NCOA5: variants seen among roughly 807,000 people sequenced by gnomAD.
The protein encoded by NCOA5 is NCoA-5.
In NCOA5, 12 loss-of-function variants were observed where a neutral mutation model predicts 59.0. The observed-to-expected ratio is 0.20, with a 90% CI of 0.13 to 0.33. The LOEUF (loss-of-function observed/expected upper bound fraction) is 0.33, where lower values mean the gene tolerates loss of function less well. Among genes scored for constraint, NCOA5 ranks in the 10% least tolerant of loss-of-function variants. The pLI is 1.00. For synonymous variants in NCOA5, 270 were observed against 275.5 expected (o/e 0.98, Z 0.20); for missense variants, 655 against 766.6 (o/e 0.85, Z 1.72).
Position 46,063,407 on chromosome 20 carries a change from C to A in NCOA5, c.1103G>T (p.Arg368Leu). ...EETDKIINYL[R>L]ERKERLMRSS... ...CCTCATCAGCCGCTCCTTCCGCTCT[C>A]GCAGGTAGTTGATGATCTTGTCAGT... is the stretch of plus-strand genomic sequence containing the variant. The change falls in exon 7 of 8, where the codon CGA becomes CTA. Residue 368 changes from arginine to leucine, a missense_variant. This residue lies in a region of NCOA5 where 325 missense variants were observed against 353.2 expected (regional missense o/e 0.92). Transcript: ENST00000290231. 1 of 1,614,060 alleles carries A rather than the reference C, an allele frequency of 6.2e-7. No homozygotes were observed. Among genetic ancestry groups the A allele is most frequent in the Non-Finnish European group, 8.5e-7 (1 of 1,180,018 alleles).
chr20:46,081,165 A>G (rs1224062698), intron 1 of NCOA5, among the ~76,000 whole-genome samples: 3 of 152,148 alleles, frequency 2.0e-5, no homozygotes, highest in East Asian at 3.8e-4. Flanking sequence ...TATACATAAC[A>G]TAACTTCAGC....
chr20:46,077,761 G>A (rs2084953028), intron 2 of NCOA5, among the ~76,000 whole-genome samples: 1 of 152,144 alleles, frequency 6.6e-6, no homozygotes, highest in Non-Finnish European at 1.5e-5. Flanking sequence ...ATTCCAATGG[G>A]AACCCTGTAC....
intron 2 of NCOA5, 119 bp downstream of exon 2, chr20:46,079,268 T>C: frequency 2.2e-6 from 2 of 919,476 alleles, no homozygotes; most frequent in Non-Finnish European, 1.8e-6. Flanking sequence ...CATGTTCTTA[T>C]TGTTTGCTTG....
rs577598138 is a variant in NCOA5 at position 46,070,000 on chromosome 20, C to T, written c.365+210G>A. Among the ~76,000 whole-genome samples, 124 of 152,298 alleles carry T rather than the reference C, an allele frequency of 8.1e-4. 3 individuals carry two copies. The South Asian group carries it at 0.024, about 30-fold the overall frequency. On this transcript the variant is annotated intron_variant, in intron 3 of 7. Coordinates refer to ENST00000290231, the MANE Select transcript of NCOA5 (RefSeq NM_020967.3). ...TTCTCAGAGTTTCAATTTCTCCATACCTTTCCAACACTGTTATTTTCTGTT... is the reference window on the plus strand; with the variant it reads ...TTCTCAGAGTTTCAATTTCTCCATATCTTTCCAACACTGTTATTTTCTGTT...
Position 46,062,775 on chromosome 20 carries a change from G to C in NCOA5, c.1265C>G (p.Ser422Cys). The change falls in exon 8 of 8, where the codon TCT (serine) becomes TGT (cysteine). Residue 422 changes from serine to cysteine, a missense_variant. Physicochemically the swap from Ser to Cys is moderately radical, Grantham distance 112. This residue lies in a region of NCOA5 where 325 missense variants were observed against 353.2 expected (regional missense o/e 0.92). Coordinates refer to ENST00000290231, the MANE Select transcript of NCOA5 (RefSeq NM_020967.3). ...CTCTTGCTGGGAGGTGGGGGGTGCA[G>C]ATGGAGTGGGTGTAGCAGAGGGGAG... ...QVLPSATPTP[S>C]APPTSQQELQ... 11 of 1,600,954 alleles carry C rather than the reference G, an allele frequency of 6.9e-6. No individual in the cohort carries two copies. The highest frequency in any genetic ancestry group is 8.5e-6 in the Non-Finnish European group (10 of 1,172,874).
At chr20:46,087,602 A>C (rs954256932) in intron 1 of NCOA5, among the ~76,000 whole-genome samples, 2 of 152,136 alleles carry the variant, frequency 1.3e-5, no homozygotes, top group African/African-American at 4.8e-5. Context: ...CACTAAAAAT[A>C]TACAAAATTA....
In NCOA5 at chr20:46,063,378, T is replaced by C; in HGVS notation, c.1132A>G (p.Ser378Gly). 1.9e-6 allele frequency: 3 copies of C among 1,613,016 alleles called. No homozygotes were observed. Among genetic ancestry groups the C allele is most frequent in the Non-Finnish European group, 1.7e-6 (2 of 1,179,872 alleles). ...RERKERLMRSSTDSLPGPISR... is the reference protein window; with the variant it reads ...RERKERLMRSGTDSLPGPISR... ...AGCTCACCAGGCAGAGAGTCGGTGCTGCTCCTCATCAGCCGCTCCTTCCGC... is the reference window on the plus strand; with the variant it reads ...AGCTCACCAGGCAGAGAGTCGGTGCCGCTCCTCATCAGCCGCTCCTTCCGC... The change falls in exon 7 of 8, where the codon AGC (serine) becomes GGC (glycine). Residue 378 changes from serine to glycine, a missense_variant. Coordinates refer to ENST00000290231, the MANE Select transcript of NCOA5 (RefSeq NM_020967.3).
In NCOA5 at chr20:46,063,366, G is replaced by C. The variant is rs1436175944; in HGVS notation, c.1144C>G (p.Leu382Val). 1 of 1,612,232 alleles carries C rather than the reference G, an allele frequency of 6.2e-7. No homozygotes were observed. The highest frequency in any genetic ancestry group is 1.7e-5 in the Admixed American group (1 of 60,018). The change falls in exon 7 of 8, where the codon CTG becomes GTG. Residue 382 changes from leucine (L) to valine (V), a missense_variant. Leu to Val is a conservative substitution (Grantham distance 32, BLOSUM62 1). This residue lies in a region of NCOA5 where 325 missense variants were observed against 353.2 expected (regional missense o/e 0.92). Coordinates refer to ENST00000290231, the MANE Select transcript of NCOA5 (RefSeq NM_020967.3). ...ERLMRSSTDS[L>V]PGPISRQPLG... ...GCCCTGCCACGTAGCTCACCAGGCA[G>C]AGAGTCGGTGCTGCTCCTCATCAGC... is the stretch of plus-strand genomic sequence containing the variant.
chr20:46,081,002 G>A (rs1216041506), intron 1 of NCOA5, among the ~76,000 whole-genome samples: 2 of 152,060 alleles, frequency 1.3e-5, no homozygotes, highest in East Asian at 3.8e-4. Flanking sequence ...ACTAGTTCAG[G>A]TTTATGACTT....
Position 46,070,285 on chromosome 20 carries a change from C to G in NCOA5, c.290G>C (p.Arg97Thr). Residue 97 changes from arginine to threonine, a missense_variant, in exon 3 of 8, where the codon AGG becomes ACG. Physicochemically the swap from Arg to Thr is moderately conservative, Grantham distance 71 (BLOSUM62 -1). Around this residue, in one of 3 missense-constraint regions of NCOA5, gnomAD observed 250 missense variants for 260.1 expected, o/e 0.96. Transcript: ENST00000290231. ...GGGGTCTCGCTGATCTCGAAAATCC[C>G]TAGAGTCTCTTAGATCACGAAAGTC... is the stretch of plus-strand genomic sequence containing the variant. ...LRDFRDLRDS[R>T]DFRDQRDPMY... 6.2e-7 allele frequency: 1 copy of G among 1,614,062 alleles called. No homozygotes were observed. Among genetic ancestry groups the G allele is most frequent in the Non-Finnish European group, 8.5e-7 (1 of 1,180,028 alleles).
At chr20:46,063,273 C>T (rs1375711012) in intron 7 of NCOA5, 87 bp downstream of exon 7, 3 of 1,401,124 alleles carry the variant, frequency 2.1e-6, no homozygotes, top group African/African-American at 2.8e-5. Context: ...CTCCAAAGAG[C>T]CCTGGGCCTG....
chr20:46,066,785 T>C (rs987164231), intron 5 of NCOA5, among the ~76,000 whole-genome samples: 42 of 152,354 alleles, frequency 2.8e-4, no homozygotes, highest in Admixed American at 1.4e-3. Context: ...GCTTAGAGAC[T>C]AACACAGAGA....
chr20:46,062,865 C>A lies in NCOA5; in HGVS notation c.1175G>T (p.Gly392Val). The A allele has an allele frequency of 3.3e-6, 5 of 1,518,546 alleles. No homozygotes were observed. The highest frequency in any genetic ancestry group is 4.4e-6 in the Non-Finnish European group (5 of 1,134,524). The allele number at this position is 1,518,546 out of a possible 1,614,324, so 94.1% of individuals were successfully genotyped here. ...LPGPISRQPLGATSGASLKTQ... is the reference protein window; with the variant it reads ...LPGPISRQPLVATSGASLKTQ... ...CTTCAGCGAGGCACCCGAGGTCGCC[C>A]CGAGTGGTTGGCGGGAAATCGGGCC... Residue 392 changes from glycine to valine, a missense_variant, in exon 8 of 8, where the codon GGG becomes GTG. By Grantham distance (109) the Gly-to-Val change is moderately radical. This residue lies in a region of NCOA5 where 325 missense variants were observed against 353.2 expected (regional missense o/e 0.92). Coordinates refer to ENST00000290231, the MANE Select transcript of NCOA5 (RefSeq NM_020967.3).
intron 2 of NCOA5, among the ~76,000 whole-genome samples, chr20:46,075,348 T>C (rs991059528): frequency 7.9e-5 from 12 of 152,234 alleles, no homozygotes; most frequent in African/African-American, 2.7e-4. Flanking sequence ...CTGGAATTTC[T>C]TTGTGGCCCA....
chr20:46,087,128 A>G (rs984102303), intron 1 of NCOA5, among the ~76,000 whole-genome samples: 1 of 152,250 alleles, frequency 6.6e-6, no homozygotes, highest in African/African-American at 2.4e-5. Context: ...GCAATGATTT[A>G]GTATTTACCA....
Position 46,062,511 on chromosome 20 carries a change from C to A in NCOA5, c.1529G>T (p.Gly510Val). 1 of 1,614,078 alleles carries A rather than the reference C, an allele frequency of 6.2e-7. No individual in the cohort carries two copies. Among genetic ancestry groups the A allele is most frequent in the Non-Finnish European group, 8.5e-7 (1 of 1,180,012 alleles). Residue 510 changes from glycine to valine, a missense_variant, in exon 8 of 8, where the codon GGC becomes GTC. Physicochemically the swap from Gly to Val is moderately radical, Grantham distance 109. Around this residue, in one of 3 missense-constraint regions of NCOA5, gnomAD observed 325 missense variants for 353.2 expected, o/e 0.92. Coordinates refer to ENST00000290231, the MANE Select transcript of NCOA5 (RefSeq NM_020967.3). ...AGGTGCCAGGCGACTGGAAGGCTGG[C>A]CAAAAAGCCCTTGGGAAGGAGCCCC... ...RPGAPSQGLFGQPSSRLAPAS... is the reference protein window; with the variant it reads ...RPGAPSQGLFVQPSSRLAPAS...
intron 2 of NCOA5, 62 bp downstream of exon 2, chr20:46,079,325 C>G: frequency 6.6e-7 from 1 of 1,518,792 alleles, no homozygotes; most frequent in Non-Finnish European, 9.1e-7. Context: ...GTGTACGAAG[C>G]TGGGCTTAAC....
At chr20:46,067,002 T>C (rs1221167982) in intron 5 of NCOA5, 53 bp downstream of exon 5, 2 of 1,594,658 alleles carry the variant, frequency 1.3e-6, no homozygotes, top group Admixed American at 3.5e-5. Flanking sequence ...AACAGGAGCC[T>C]GAATTTCTCT....
chr20:46,068,689 A>G (rs536983829), intron 3 of NCOA5, 51 bp from the exon 4 acceptor site: 1 of 1,564,988 alleles, frequency 6.4e-7, no homozygotes, highest in South Asian at 1.2e-5. Flanking sequence ...CTTATCCTGA[A>G]AAAGTCACCT....
Sources: gnomAD v4.1 joint callset for allele counts (sites outside exome capture counted in the v4.1 genomes callset) on GRCh38, gnomAD v4.1.1 for gene constraint, gnomAD v4.1.1 regional missense constraint, MANE v1.5 for transcripts, NCBI Gene and HGNC (gene_info 2026-07-23, HGNC 2026-07-21) for gene names.